PLXNB3: variants seen among roughly 807,000 people sequenced by gnomAD.
The protein encoded by PLXNB3 is plexin-B3.
Under a neutral mutation model 125.7 loss-of-function variants are expected in PLXNB3, and 80 were observed. The ratio of observed to expected loss-of-function variants is 0.64; its 90% CI spans 0.53 to 0.77. PLXNB3 has a LOEUF of 0.77. PLXNB3 is among the 30% of genes least tolerant of loss of function. The pLI is 0.00. For synonymous variants in PLXNB3, 954 were observed against 783.3 expected (o/e 1.22, Z -3.64); for missense variants, 1,836 against 1,729.3 (o/e 1.06, Z -1.09).
Position 153,767,864 on chromosome X carries a change from A to T in PLXNB3, c.1037A>T (p.Glu346Val), listed in dbSNP as rs1471112825. ...AGGRGPSGAE[E>V]ATVEYGVTSR... ...GGCCGGGGCCCCAGCGGCGCAGAGG[A>T]AGCCACCGTGGAGTACGGCGTCACG... is the stretch of plus-strand genomic sequence containing the variant. The change falls in exon 3 of 36, where the codon GAA (glutamate) becomes GTA (valine). Residue 346 changes from glutamate (E) to valine (V), a missense_variant. Physicochemically the swap from Glu to Val is moderately radical, Grantham distance 121 (BLOSUM62 -2). Transcript: ENST00000361971. The T allele has an allele frequency of 8.0e-6, 9 of 1,125,863 alleles. No individual in the cohort carries two copies. The highest frequency in any genetic ancestry group is 1.1e-5 in the Non-Finnish European group (9 of 854,866). The allele number at this position is 1,125,863 out of a possible 1,213,427, so 92.8% of individuals were successfully genotyped here. A position where few individuals can be genotyped will look rare whatever the true frequency, so the allele number is the denominator to read the frequency against.
Position 153,778,612 on chromosome X carries a change from G to T in PLXNB3, c.5563G>T (p.Ala1855Ser). The change falls in exon 35 of 36, where the codon GCT becomes TCT. Residue 1855 changes from alanine to serine, a missense_variant. Coordinates refer to ENST00000361971, the MANE Select transcript of PLXNB3 (RefSeq NM_005393.3). Reference sequence around the variant, plus strand: ...GTGGTGCCCCCAGAACTACACTTCTGCTCCCCACTGTCTGGAGGCTCTGCA... The same window carrying T: ...GTGGTGCCCCCAGAACTACACTTCTTCTCCCCACTGTCTGGAGGCTCTGCA... ...LAELSGNYTSAPHCLEALQEL... is the reference protein window; with the variant it reads ...LAELSGNYTSSPHCLEALQEL... 8.3e-7 allele frequency: 1 copy of T among 1,203,593 alleles called. No homozygotes were observed. Among genetic ancestry groups the T allele is most frequent in the Non-Finnish European group, 1.1e-6 (1 of 890,687 alleles).
At chrX:153,771,140 T>G (rs1253106571) in intron 12 of PLXNB3, 59 bp downstream of exon 12, 5 of 1,053,947 alleles carry the variant, frequency 4.7e-6, no homozygotes, top group Non-Finnish European at 6.6e-6. Flanking sequence ...CTCAGGGGTC[T>G]GCCATCTTTG....
At position 153,778,304 on chromosome X, in the gene PLXNB3, G is replaced by A. The variant is rs1410439897; in HGVS notation, c.5453G>A (p.Arg1818His). The part of the protein sequence containing the change: ...NKLLYAREIP[R>H]YKQMVERYYA... ...CTGCTCTACGCCCGGGAGATCCCAC[G>A]CTACAAGCAGATGGTGGAGAGGTGG... Residue 1818 changes from arginine (R) to histidine (H), a missense_variant, in exon 33 of 36, where the codon CGC (arginine) becomes CAC (histidine). By Grantham distance (29) the Arg-to-His change is conservative (BLOSUM62 0). Transcript: ENST00000361971. 8.3e-7 allele frequency: 1 copy of A among 1,202,866 alleles called. No individual in the cohort carries two copies. The highest frequency in any genetic ancestry group is 1.8e-5 in the South Asian group (1 of 56,049).
In PLXNB3 at chrX:153,771,049, G is replaced by A. The variant is rs782198887; in HGVS notation, c.2221G>A (p.Asp741Asn). The change falls in exon 12 of 36, where the codon GAT becomes AAT. Residue 741 changes from aspartate (D) to asparagine (N), a missense_variant. Asp to Asn is a conservative substitution (Grantham distance 23, BLOSUM62 1). Coordinates refer to ENST00000361971, the MANE Select transcript of PLXNB3 (RefSeq NM_005393.3). ...LPATLEETAG[D>N]SGLIHCQAHQ... ...GGCCACCCTGGAGGAGACAGCAGGGGATTCAGGCCTCATCCACTGCCAGGC... is the reference window on the plus strand; with the variant it reads ...GGCCACCCTGGAGGAGACAGCAGGGAATTCAGGCCTCATCCACTGCCAGGC... 50 of 1,208,027 alleles carry A rather than the reference G, an allele frequency of 4.1e-5. No homozygotes were observed. The highest frequency in any genetic ancestry group is 5.7e-4 in the Middle Eastern group (2 of 3,531).
At chrX:153,768,901 C>T (rs370284850) in intron 4 of PLXNB3, 47 bp from the exon 5 acceptor site, 55 of 1,185,188 alleles carry the variant, frequency 4.6e-5, no homozygotes, top group East Asian at 6.0e-5. Flanking sequence ...CTGGAACAGG[C>T]AACCTTTGGC....
In PLXNB3 at chrX:153,771,975, C is replaced by G; in HGVS notation, c.2629C>G (p.Pro877Ala). Reference sequence around the variant, plus strand: ...GTACGCCGTGAGCGTGGCCAGCCGGCCCTGCAACCCTGAGCCCTCTCTCTA... The same window carrying G: ...GTACGCCGTGAGCGTGGCCAGCCGGGCCTGCAACCCTGAGCCCTCTCTCTA... ...VQYAVSVASR[P>A]CNPEPSLYRT... is the part of the protein sequence containing the mutation. The change falls in exon 15 of 36, where the codon CCC becomes GCC. Residue 877 changes from proline (P) to alanine (A), a missense_variant. Transcript: ENST00000361971. 1 of 1,205,983 alleles carries G rather than the reference C, an allele frequency of 8.3e-7. No individual in the cohort carries two copies. Among genetic ancestry groups the G allele is most frequent in the Non-Finnish European group, 1.1e-6 (1 of 892,957 alleles).
intron 7 of PLXNB3, 51 bp downstream of exon 7, chrX:153,769,990 G>A: frequency 1.7e-6 from 2 of 1,191,626 alleles, no homozygotes; most frequent in Non-Finnish European, 2.3e-6. Flanking sequence ...CCACTGCCTG[G>A]AGCATGAACC....
At position 153,767,753 on chromosome X, in the gene PLXNB3, G is replaced by A. The variant is rs782338582; in HGVS notation, c.926G>A (p.Gly309Asp). 16 of 1,170,833 alleles carry A rather than the reference G, an allele frequency of 1.4e-5. No homozygotes were observed. Among genetic ancestry groups the A allele is most frequent in the Non-Finnish European group, 1.6e-5 (14 of 875,014 alleles). Residue 309 changes from glycine (G) to aspartate (D), a missense_variant, in exon 3 of 36, where the codon GGC (glycine) becomes GAC (aspartate). By Grantham distance (94) the Gly-to-Asp change is moderately conservative. Coordinates refer to ENST00000361971, the MANE Select transcript of PLXNB3 (RefSeq NM_005393.3). The part of the protein sequence containing the change: ...LLGVFAAGPR[G>D]TQAALCAFPM... The stretch of plus-strand genomic sequence containing the variant: ...GGGGTGTTTGCCGCGGGCCCAAGGG[G>A]CACCCAGGCGGCGCTCTGTGCCTTC...
At position 153,771,304 on chromosome X, in the gene PLXNB3, CCA is replaced by C. The variant is rs1557061765; in HGVS notation, c.2254-3_2254-2del. 3 of 1,202,908 alleles carry C rather than the reference CCA, an allele frequency of 2.5e-6. No homozygotes were observed. The highest frequency in any genetic ancestry group is 3.5e-5 in the South Asian group (2 of 56,844). ...CACCCAGCCTGACCCCACACTCTGC[CCA>C]CAGTTTTATCCCTCCATGTCCCAGC... On this transcript the variant is annotated splice_polypyrimidine_tract_variant and splice_region_variant and intron_variant, in intron 12 of 35. Transcript: ENST00000361971.
intron 2 of PLXNB3, chrX:153,766,381 A>ATC: frequency 9.2e-7 from 1 of 1,088,571 alleles, no homozygotes; most frequent in East Asian, 3.5e-5. Context: ...CACTCCTCTC[A>ATC]CCTGACTTAG....
At chrX:153,777,070 C>T in intron 29 of PLXNB3, 90 bp downstream of exon 29, 1 of 977,592 alleles carries the variant, frequency 1.0e-6, no homozygotes. Context: ...CTTCATCCCC[C>T]ACCCCACCGA....
intron 28 of PLXNB3, 22 bp downstream of exon 28, chrX:153,776,481 G>A (rs1557064298): frequency 2.9e-6 from 2 of 692,350 alleles, no homozygotes; most frequent in East Asian, 3.9e-5. Flanking sequence ...GACGGGGCGA[G>A]GCAGGGCGGG....
At position 153,776,997 on chromosome X, in the gene PLXNB3, T is replaced by C. The variant is rs1557064626; in HGVS notation, c.4927+17T>C. On this transcript the variant is annotated intron_variant, in intron 29 of 35. Coordinates refer to ENST00000361971, the MANE Select transcript of PLXNB3 (RefSeq NM_005393.3). ...TGGGAGAGAGTGAGTCCCTCGGCCC[T>C]GACCTGGGGCCACTGGAGTCCAGGC... The C allele has an allele frequency of 4.5e-6, 5 of 1,106,400 alleles. No individual in the cohort carries two copies. In the East Asian group the frequency reaches 1.6e-4, roughly 35 times the overall value. 91.2% of individuals were successfully genotyped at this position (1,106,400 alleles called of 1,213,427 possible).
rs782709310 is a variant in PLXNB3, at chrX:153,774,949, G to A, written c.4001G>A (p.Arg1334His). 22 of 1,190,079 alleles carry A rather than the reference G, an allele frequency of 1.8e-5. No homozygotes were observed. Among genetic ancestry groups the A allele is most frequent in the Non-Finnish European group, 2.3e-5 (20 of 883,334 alleles). ...AGCGGGATCCCCTTCCTGGACTACC[G>A]CACCTACGCCGAGCGCGCCTTCTTC... Reference protein sequence around the residue: ...EGSGIPFLDYRTYAERAFFPG... With the variant: ...EGSGIPFLDYHTYAERAFFPG... The change falls in exon 24 of 36, where the codon CGC becomes CAC. Residue 1334 changes from arginine to histidine, a missense_variant. Coordinates refer to ENST00000361971, the MANE Select transcript of PLXNB3 (RefSeq NM_005393.3).
rs781966819 is a variant in PLXNB3, at chrX:153,772,662, G to A, written c.2776-224G>A. 4 of 1,001,800 alleles carry A rather than the reference G, an allele frequency of 4.0e-6. No homozygotes were observed. In the East Asian group the frequency reaches 1.2e-4, roughly 29 times the overall value. 82.6% of individuals were successfully genotyped at this position (1,001,800 alleles called of 1,213,427 possible). On this transcript the variant is annotated intron_variant, in intron 16 of 35. Transcript: ENST00000361971. ...CCCAAGGGGGACAGAGTGGCAGTGA[G>A]GATGAAAGAGCCCCACTTCTACTCC...
At position 153,767,573 on chromosome X, in the gene PLXNB3, G is replaced by A. The variant is rs374406078; in HGVS notation, c.746G>A (p.Arg249His). ...GCCCGCTCCGCCTACTTCGTGTTCC[G>A]CCGCCGCGGGGCCCGGGCCCAGGCT... ...ADARSAYFVFRRRGARAQAEY... is the reference protein window; with the variant it reads ...ADARSAYFVFHRRGARAQAEY... The change falls in exon 3 of 36, where the codon CGC becomes CAC. Residue 249 changes from arginine (R) to histidine (H), a missense_variant. Transcript: ENST00000361971. 72 of 1,170,898 alleles carry A rather than the reference G, an allele frequency of 6.1e-5. No individual in the cohort carries two copies. Among genetic ancestry groups the A allele is most frequent in the Non-Finnish European group, 8.1e-5 (71 of 875,527 alleles).
rs1416477659 is a variant in PLXNB3 at position 153,773,241 on chromosome X, T to C, written c.2918T>C (p.Val973Ala). 1.7e-6 allele frequency: 2 copies of C among 1,204,008 alleles called. No individual in the cohort carries two copies. The highest frequency in any genetic ancestry group is 2.2e-6 in the Non-Finnish European group (2 of 891,815). Reference protein sequence around the residue: ...GGQPCPILEPVCPEAIVCRTR... With the variant: ...GGQPCPILEPACPEAIVCRTR... The stretch of plus-strand genomic sequence containing the variant: ...TACCCATCCTGCAGCCTGGAGCCAG[T>C]GTGTCCGGAGGCCATCGTGTGCCGT... Residue 973 changes from valine (V) to alanine (A), a missense_variant, in exon 18 of 36, where the codon GTG (valine) becomes GCG (alanine). Transcript: ENST00000361971.
At chrX:153,773,125 C>A in intron 17 of PLXNB3, 105 bp from the exon 18 acceptor site, 1 of 1,074,686 alleles carries the variant, frequency 9.3e-7, no homozygotes, top group East Asian at 3.1e-5. Context: ...GGTCCCTGCC[C>A]TTGTCAAGGC....
intron 16 of PLXNB3, 79 bp downstream of exon 16, chrX:153,772,366 G>A (rs2091940949): frequency 1.4e-6 from 1 of 713,266 alleles, no homozygotes; most frequent in Non-Finnish European, 2.1e-6. Flanking sequence ...TAGTAAGGAT[G>A]TCAAGCTGGG....
Sources: allele counts gnomAD v4.1 joint callset, GRCh38; gene constraint gnomAD v4.1.1; transcripts MANE v1.5; gene names NCBI Gene and HGNC (gene_info 2026-07-23, HGNC 2026-07-21).